Variants in ARHGAP26 observed in about 807,000 individuals in gnomAD.
ARHGAP26 encodes rho GTPase-activating protein 26.
ARHGAP26 carries 38 observed loss-of-function variants against 104.8 expected under a neutral mutation model. The observed-to-expected ratio is 0.36, with a 90% CI of 0.28 to 0.48. The LOEUF is 0.48. Among genes scored for constraint, ARHGAP26 ranks in the 20% least tolerant of loss-of-function variants. The probability of loss-of-function intolerance (pLI) is 0.99; values close to 1 mark genes in which losing one functional copy is unlikely to be tolerated. For missense variants in ARHGAP26, 704 were observed against 947.9 expected (o/e 0.74, Z 3.38); for synonymous variants, 341 against 340.0 (o/e 1.00, Z -0.03).
chr5:143,199,664 G>C (rs924472686), intron 20 of ARHGAP26, among the ~76,000 whole-genome samples: 8 of 152,158 alleles, frequency 5.3e-5, no homozygotes, highest in Non-Finnish European at 1.0e-4. Context: ...ATAAAGACCA[G>C]CCCTGGGCCG....
chr5:142,835,888 A>G (rs1769457978), intron 1 of ARHGAP26, among the ~76,000 whole-genome samples: 1 of 152,266 alleles, frequency 6.6e-6, no homozygotes, highest in Admixed American at 6.5e-5. Flanking sequence ...GTACAATCAA[A>G]TCATCACAAA....
chr5:143,037,916 G>C (rs1486832322), intron 13 of ARHGAP26, among the ~76,000 whole-genome samples: 1 of 152,248 alleles, frequency 6.6e-6, no homozygotes, highest in African/African-American at 2.4e-5. Flanking sequence ...AAAGGGGTCA[G>C]GCCCATGTTC....
At chr5:143,088,470 T>TA (rs11373777) in intron 17 of ARHGAP26, among the ~76,000 whole-genome samples, 14,520 of 146,134 alleles carry the variant, frequency 0.099, 1,263 homozygotes, top group East Asian at 0.36. Context: ...ACCAAATTGT[T>TA]AAAAAAAAAA....
chr5:142,828,046 C>T lies in ARHGAP26; in HGVS notation c.155-45354C>T, dbSNP rs1015828295. ...AGATGGTTCATTCTGGGAATAGTTA[C>T]GCACGCTATTCAGAGGGAATGGATG... is the stretch of plus-strand genomic sequence containing the variant. On this transcript the variant is annotated intron_variant, in intron 1 of 22. Coordinates refer to ENST00000645722, the MANE Select transcript of ARHGAP26 (RefSeq NM_001135608.3). Among the ~76,000 whole-genome samples the T allele has an allele frequency of 9.2e-5, 14 of 152,278 alleles. No homozygotes were observed. In the South Asian group the frequency reaches 1.2e-3, roughly 14 times the overall value.
chr5:142,773,455 A>G (rs900862173), intron 1 of ARHGAP26, among the ~76,000 whole-genome samples: 7 of 152,196 alleles, frequency 4.6e-5, no homozygotes, highest in African/African-American at 1.7e-4. Context: ...GGGATTGCCA[A>G]AGTTCAGGTA....
rs1599602307 is a variant in ARHGAP26, at chr5:143,228,115, G to A, written c.*5669G>A. ...TGGAGAGGTTAAGACATTCTATACT[G>A]TTCTACGTCAACCATTTCTACAAAG... On this transcript the variant is annotated 3_prime_UTR_variant, in exon 23 of 23. Transcript: ENST00000645722. 4.5e-6 allele frequency: 1 copy of A among 224,636 alleles called. No individual in the cohort carries two copies. The highest frequency in any genetic ancestry group is 8.9e-6 in the Non-Finnish European group (1 of 112,694). The allele number at this position is 224,636 out of a possible 1,614,324, so 13.9% of individuals were successfully genotyped here. A position where few individuals can be genotyped will look rare whatever the true frequency, so the allele number is the denominator to read the frequency against.
intron 1 of ARHGAP26, among the ~76,000 whole-genome samples, chr5:142,852,538 T>C (rs913679007): frequency 3.3e-5 from 5 of 152,222 alleles, no homozygotes; most frequent in Admixed American, 6.5e-5. Context: ...ATAGCATTCG[T>C]GCTATTAATA....
At chr5:143,210,411 G>C (rs1475817743) in intron 21 of ARHGAP26, among the ~76,000 whole-genome samples, 1 of 152,114 alleles carries the variant, frequency 6.6e-6, no homozygotes, top group Admixed American at 6.5e-5. Context: ...AATGATGGGA[G>C]CTACAAGATG....
At chr5:143,216,147 C>T in intron 22 of ARHGAP26, 1 of 471,584 alleles carries the variant, frequency 2.1e-6, no homozygotes, top group South Asian at 1.5e-5. Flanking sequence ...GGAAGAGAAG[C>T]CTGGATGATT....
intron 1 of ARHGAP26, among the ~76,000 whole-genome samples, chr5:142,803,568 G>A (rs770361951): frequency 3.3e-5 from 5 of 152,132 alleles, no homozygotes; most frequent in Admixed American, 2.0e-4. Context: ...GAAATAAGCC[G>A]GACGGAAATC....
intron 14 of ARHGAP26, among the ~76,000 whole-genome samples, chr5:143,050,781 A>C (rs547399966): frequency 6.6e-6 from 1 of 152,342 alleles, no homozygotes; most frequent in African/African-American, 2.4e-5. Flanking sequence ...AGAAGATGAT[A>C]GACTACTTGG....
chr5:142,889,011 G>A (rs1451036546), intron 5 of ARHGAP26, among the ~76,000 whole-genome samples: 2 of 152,186 alleles, frequency 1.3e-5, no homozygotes, highest in African/African-American at 2.4e-5. Context: ...CCATTGCAGG[G>A]GGCCCAAGGA....
At chr5:143,005,033 C>T (rs1384143649) in intron 11 of ARHGAP26, among the ~76,000 whole-genome samples, 1 of 152,094 alleles carries the variant, frequency 6.6e-6, no homozygotes, top group Non-Finnish European at 1.5e-5. Context: ...ACATTTTTCT[C>T]CTTCACTCTA....
intron 9 of ARHGAP26, among the ~76,000 whole-genome samples, chr5:142,912,713 C>T (rs1326221611): frequency 2.0e-5 from 3 of 152,120 alleles, no homozygotes; most frequent in Non-Finnish European, 4.4e-5. Flanking sequence ...TTATTGTATT[C>T]ATCACCTATA....
intron 20 of ARHGAP26, among the ~76,000 whole-genome samples, chr5:143,171,863 T>C (rs915854475): frequency 2.0e-5 from 3 of 152,230 alleles, no homozygotes; most frequent in African/African-American, 7.2e-5. Context: ...ACTGATTACA[T>C]TTCCCATTTA....
chr5:142,926,401 G>A (rs1016929646), intron 10 of ARHGAP26, among the ~76,000 whole-genome samples: 27 of 152,208 alleles, frequency 1.8e-4, no homozygotes, highest in East Asian at 9.6e-4. Context: ...CATATTCAGA[G>A]TGAAAAGGAA....
intron 17 of ARHGAP26, among the ~76,000 whole-genome samples, chr5:143,097,311 C>G (rs768973099): frequency 2.9e-5 from 4 of 140,012 alleles, no homozygotes; most frequent in Admixed American, 7.5e-5. Context: ...TACCACTGTA[C>G]TCTGCACTCC....
intron 11 of ARHGAP26, among the ~76,000 whole-genome samples, chr5:142,963,198 A>ATATATG (rs869247749): frequency 2.3e-3 from 225 of 98,296 alleles, no homozygotes; most frequent in Middle Eastern, 9.6e-3. Context: ...ATATATATAT[A>ATATATG]TGTGTGTGTG....
chr5:143,046,210 A>C (rs1208156158), intron 14 of ARHGAP26, among the ~76,000 whole-genome samples: 4 of 152,214 alleles, frequency 2.6e-5, no homozygotes, highest in African/African-American at 9.6e-5. Flanking sequence ...AGGCTGAGGC[A>C]GGAGAATCCC....
Sources: allele counts gnomAD v4.1 joint callset (sites outside exome capture counted in the v4.1 genomes callset), GRCh38; gene constraint gnomAD v4.1.1; transcripts MANE v1.5; gene names NCBI Gene and HGNC (gene_info 2026-07-23, HGNC 2026-07-21).